The following PRKN variants were observed in gnomAD, a reference collection of about 807,000 sequenced individuals.
PRKN encodes the protein parkin RBR E3 ubiquitin protein ligase, also known as E3 ubiquitin-protein ligase parkin.
Under a neutral mutation model 59.5 loss-of-function variants are expected in PRKN, and 56 were observed. The observed-to-expected ratio is 0.94, with a 90% CI of 0.76 to 1.18. The LOEUF is 1.18. Among genes scored for constraint, PRKN ranks in the 50% most tolerant of loss-of-function variants. PRKN has a pLI of 0.00. For missense variants in PRKN, 657 were observed against 596.4 expected (o/e 1.10, Z -1.06); for synonymous variants, 250 against 222.1 (o/e 1.13, Z -1.12).
Position 161,957,438 on chromosome 6 carries a change from T to TTG in PRKN, c.734+15863_734+15864insCA, listed in dbSNP as rs1234466087. On this transcript the variant is annotated intron_variant, in intron 6 of 11. Transcript: ENST00000366898. Reference sequence around the variant, plus strand: ...TTTTTTTGTTTGTTTGTTTGTTTGTTTTTTTGAGCCAGAGTCTCACTCTGT... The same window carrying TTG: ...TTTTTTTGTTTGTTTGTTTGTTTGTTTGTTTTTGAGCCAGAGTCTCACTCTGT... Among the ~76,000 whole-genome samples, 103 of 143,254 alleles carry TTG rather than the reference T, an allele frequency of 7.2e-4. 1 individual carries two copies. Among genetic ancestry groups the TTG allele is most frequent in the South Asian group, 2.9e-3 (12 of 4,178 alleles). 94.0% of individuals were successfully genotyped at this position (143,254 alleles called of 152,430 possible). A position where few individuals can be genotyped will look rare whatever the true frequency, so the allele number is the denominator to read the frequency against.
rs927619597 is a variant in PRKN at position 161,576,766 on chromosome 6, G to A, written c.872-7350C>T. On this transcript the variant is annotated intron_variant, in intron 7 of 11. Transcript: ENST00000366898. This position sits in a 1 kb window ranked among gnomAD's most constrained non-coding sequence, Gnocchi z 4.6. ...AAGGGCAGGGTTGGCTAACGTAAAA[G>A]TAAGTGTTCATTTCTTATTGAGACC... Among the ~76,000 whole-genome samples, 6 of 152,214 alleles carry A rather than the reference G, an allele frequency of 3.9e-5. No individual in the cohort carries two copies.
chr6:161,805,824 C>A (rs1167159111), intron 6 of PRKN, among the ~76,000 whole-genome samples: 1 of 152,164 alleles, frequency 6.6e-6, no homozygotes, highest in Non-Finnish European at 1.5e-5. Flanking sequence ...TCCATCTCAG[C>A]TCCACCTTGA....
At chr6:162,174,092 A>G (rs1783420159) in intron 4 of PRKN, among the ~76,000 whole-genome samples, 1 of 152,242 alleles carries the variant, frequency 6.6e-6, no homozygotes, top group Non-Finnish European at 1.5e-5. Flanking sequence ...ATGAGCAATC[A>G]TTGGACAAAT....
intron 4 of PRKN, among the ~76,000 whole-genome samples, chr6:162,120,332 G>A (rs960199726): frequency 1.1e-4 from 16 of 152,126 alleles, no homozygotes; most frequent in Admixed American, 8.5e-4. Context: ...AGTATCCCGA[G>A]TTTATGATTT....
At chr6:162,547,038 G>C (rs1779148892) in intron 1 of PRKN, among the ~76,000 whole-genome samples, 1 of 152,068 alleles carries the variant, frequency 6.6e-6, no homozygotes, top group African/African-American at 2.4e-5. Context: ...TAGAGCTTCG[G>C]GTGTCTCCAT....
chr6:162,553,371 A>G, intron 1 of PRKN, among the ~76,000 whole-genome samples: 1 of 150,262 alleles, frequency 6.7e-6, no homozygotes, highest in Admixed American at 6.6e-5. Flanking sequence ...AGAAAGAGGC[A>G]GGGGAGGGTG....
rs899716388 is a variant in PRKN at position 161,578,261 on chromosome 6, A to C, written c.872-8845T>G. On this transcript the variant is annotated intron_variant, in intron 7 of 11. Coordinates refer to ENST00000366898, the MANE Select transcript of PRKN (RefSeq NM_004562.3). The surrounding 1 kb of genome is among the most constrained non-coding windows in gnomAD (Gnocchi z 4.2). ...GCACCTGCATACACACAGCCTACCT[A>C]CTGGGGCTGAGAACTGAGACCACTG... 6.6e-6 allele frequency among the ~76,000 whole-genome samples: 1 copy of C among 152,204 alleles called. No homozygotes were observed. The highest frequency in any genetic ancestry group is 6.5e-5 in the Admixed American group (1 of 15,278).
Position 162,556,362 on chromosome 6 carries a change from T to TGTGTGTGTGTGTGTGC in PRKN, c.8-112890_8-112889insGCACACACACACACAC, listed in dbSNP as rs1554243401. On this transcript the variant is annotated intron_variant, in intron 1 of 11. Transcript: ENST00000366898. ...CAGCTGGTGTGTGTGTGTGTGTGTG[T>TGTGTGTGTGTGTGTGC]GTGTGTGTGTGTGTGTGTGTGTGTG... Among the ~76,000 whole-genome samples the TGTGTGTGTGTGTGTGC allele has an allele frequency of 1.8e-3, 154 of 86,330 alleles. 3 individuals are homozygous for TGTGTGTGTGTGTGTGC. The highest frequency in any genetic ancestry group is 0.012 in the East Asian group (14 of 1,178). 56.6% of individuals were successfully genotyped at this position (86,330 alleles called of 152,430 possible). A position where few individuals can be genotyped will look rare whatever the true frequency, so the allele number is the denominator to read the frequency against.
intron 4 of PRKN, among the ~76,000 whole-genome samples, chr6:162,086,167 T>C (rs183110972): frequency 6.1e-4 from 93 of 152,322 alleles, no homozygotes; most frequent in Admixed American, 1.1e-3. Flanking sequence ...AATGATTCTT[T>C]AGGGAGCATT....
intron 5 of PRKN, 48 bp from the exon 6 acceptor site, chr6:161,973,465 T>C (rs756886484): frequency 3.9e-6 from 4 of 1,024,528 alleles, no homozygotes; most frequent in Non-Finnish European, 6.2e-6. Flanking sequence ...CGGCTGCTCA[T>C]TTTTCCTCTA....
rs926681568 is a variant in PRKN at position 162,316,149 on chromosome 6, G to T, written c.172-53384C>A. Among the ~76,000 whole-genome samples, 4 of 151,914 alleles carry T rather than the reference G, an allele frequency of 2.6e-5. No homozygotes were observed. The South Asian group carries it at 8.3e-4, about 32-fold the overall frequency. On this transcript the variant is annotated intron_variant, in intron 2 of 11. Coordinates refer to ENST00000366898, the MANE Select transcript of PRKN (RefSeq NM_004562.3). ...GGAGCTGGGGAAATCAAGAGGAGCA[G>T]TGGCCAGGAAAAATGTGCGTGACTT...
intron 7 of PRKN, among the ~76,000 whole-genome samples, chr6:161,752,335 T>C (rs1788730803): frequency 6.6e-6 from 1 of 152,064 alleles, no homozygotes; most frequent in Non-Finnish European, 1.5e-5. Flanking sequence ...GCCACTGCAC[T>C]CTAGCCTGGT....
chr6:162,633,200 G>A (rs775079982), intron 1 of PRKN, among the ~76,000 whole-genome samples: 24 of 151,662 alleles, frequency 1.6e-4, no homozygotes, highest in Admixed American at 1.3e-4. Flanking sequence ...TTGGGAGGCC[G>A]AGGTGGGTGG....
At chr6:162,689,998 T>C (rs1777713664) in intron 1 of PRKN, among the ~76,000 whole-genome samples, 1 of 152,188 alleles carries the variant, frequency 6.6e-6, no homozygotes, top group Non-Finnish European at 1.5e-5. Flanking sequence ...CAGAATAGGA[T>C]GTATTATGTC....
intron 2 of PRKN, among the ~76,000 whole-genome samples, chr6:162,414,561 A>T (rs1016705513): frequency 6.6e-5 from 10 of 151,676 alleles, no homozygotes; most frequent in South Asian, 2.1e-4. Context: ...CAAAAAAAAA[A>T]TTAGCCGCGC....
chr6:162,058,073 T>A (rs1777938563), intron 4 of PRKN, among the ~76,000 whole-genome samples: 1 of 152,234 alleles, frequency 6.6e-6, no homozygotes, highest in Non-Finnish European at 1.5e-5. Flanking sequence ...TGTTCTACCT[T>A]TACGGACACT....
At chr6:161,789,425 C>A (rs6924923) in intron 6 of PRKN, among the ~76,000 whole-genome samples, 3 of 152,092 alleles carry the variant, frequency 2.0e-5, no homozygotes, top group African/African-American at 7.2e-5. Flanking sequence ...AAGGTCCTTG[C>A]GTAGCCTAGG....
chr6:162,699,551 C>T (rs1778079803), intron 1 of PRKN, among the ~76,000 whole-genome samples: 1 of 152,094 alleles, frequency 6.6e-6, no homozygotes, highest in Non-Finnish European at 1.5e-5. Flanking sequence ...AATCTATGAC[C>T]CATTGTTTGC....
chr6:162,317,580 G>A (rs1300824988), intron 2 of PRKN, among the ~76,000 whole-genome samples: 1 of 152,034 alleles, frequency 6.6e-6, no homozygotes, highest in Non-Finnish European at 1.5e-5. Flanking sequence ...TATGTCTTGG[G>A]AACAGATGTA....
Sources: gnomAD v4.1 joint callset for allele counts (sites outside exome capture counted in the v4.1 genomes callset) on GRCh38, gnomAD v4.1.1 for gene constraint, Gnocchi (gnomAD v3.1) non-coding constraint, MANE v1.5 for transcripts, NCBI Gene and HGNC (gene_info 2026-07-23, HGNC 2026-07-21) for gene names.